DNAH5: variants seen among roughly 807,000 people sequenced by gnomAD.
DNAH5 encodes the protein dynein axonemal heavy chain 5, also known as axonemal beta dynein heavy chain 5.
Under a neutral mutation model 518.2 loss-of-function variants are expected in DNAH5, and 372 were observed. That is an observed-to-expected ratio of 0.72 (90% CI 0.66 to 0.78). The LOEUF (loss-of-function observed/expected upper bound fraction) is 0.78, where lower values mean the gene tolerates loss of function less well. Among genes scored for constraint, DNAH5 ranks in the 30% least tolerant of loss-of-function variants. The pLI, the probability that DNAH5 is intolerant of heterozygous loss-of-function variation, is 0.00. For missense variants in DNAH5, 5,523 were observed against 5,687.0 expected, an observed-to-expected ratio of 0.97 and a Z score of 0.93; for synonymous variants, 2,039 against 2,025.9, an observed-to-expected ratio of 1.01 and a Z score of -0.17.
chr5:13,793,374 A>G (rs769538201), intron 49 of DNAH5, 141 bp downstream of exon 49: 6 of 718,740 alleles, frequency 8.3e-6, no homozygotes, highest in Non-Finnish European at 1.2e-5. Flanking sequence ...AATGAAATAC[A>G]CTGCTTGAGA....
intron 69 of DNAH5, among the ~76,000 whole-genome samples, chr5:13,728,735 G>A (rs1219501457): frequency 3.9e-5 from 6 of 152,224 alleles, no homozygotes; most frequent in South Asian, 2.1e-4. Context: ...ACATTTCCTC[G>A]TCAAAAAAAG....
intron 47 of DNAH5, among the ~76,000 whole-genome samples, chr5:13,797,131 A>G (rs1479060857): frequency 1.3e-5 from 2 of 152,240 alleles, no homozygotes; most frequent in Non-Finnish European, 2.9e-5. Context: ...CATTCAGGAT[A>G]CAGGCATGGG....
At chr5:13,729,383 A>G in intron 69 of DNAH5, 56 bp downstream of exon 69, 1 of 1,609,652 alleles carries the variant, frequency 6.2e-7, no homozygotes, top group African/African-American at 1.3e-5. Flanking sequence ...ACCTAGTGAT[A>G]AATCAGAAAG....
At chr5:13,964,633 C>T (rs1781411305) in intron 1 of DNAH5, among the ~76,000 whole-genome samples, 1 of 152,194 alleles carries the variant, frequency 6.6e-6, no homozygotes, top group Non-Finnish European at 1.5e-5. Context: ...GATTCCAAGT[C>T]CCAGATCAGT....
chr5:13,814,868 A>G lies in DNAH5; in HGVS notation c.6989-22T>C, dbSNP rs116215381. ...TCCCCTAGAATACCCCACCAAAGGG[A>G]AAAAAAAAATACATACACTCATGCA... On this transcript the variant is annotated intron_variant, in intron 42 of 78. Transcript: ENST00000265104. 29,692 of 1,448,258 alleles carry G rather than the reference A, an allele frequency of 0.021. 306 individuals are homozygous for G. The highest frequency in any genetic ancestry group is 0.023 in the Non-Finnish European group (24,822 of 1,059,252). 89.7% of individuals were successfully genotyped at this position (1,448,258 alleles called of 1,614,324 possible). A position where few individuals can be genotyped will look rare whatever the true frequency, so the allele number is the denominator to read the frequency against.
At chr5:13,826,692 G>C (rs183185987) in intron 38 of DNAH5, among the ~76,000 whole-genome samples, 9 of 152,296 alleles carry the variant, frequency 5.9e-5, no homozygotes. Context: ...AAATTACCCA[G>C]TCTCAGGTAT....
At chr5:13,858,485 T>C (rs1018278735) in intron 30 of DNAH5, among the ~76,000 whole-genome samples, 7 of 152,206 alleles carry the variant, frequency 4.6e-5, no homozygotes, top group Non-Finnish European at 8.8e-5. Context: ...GGTTGCTGGG[T>C]CCAGCAAACC....
intron 11 of DNAH5, 150 bp from the exon 12 acceptor site, chr5:13,911,643 G>A (rs1776010129): frequency 1.5e-6 from 1 of 685,928 alleles, no homozygotes; most frequent in African/African-American, 1.8e-5. Context: ...ATTGTTTTGT[G>A]CTTATTATTT....
chr5:13,916,400 C>T lies in DNAH5; in HGVS notation c.1145G>A (p.Ser382Asn), dbSNP rs768616477. The T allele has an allele frequency of 1.7e-5, 26 of 1,551,268 alleles. No homozygotes were observed. The highest frequency in any genetic ancestry group is 1.6e-4 in the African/African-American group (12 of 73,432). ...AGAGGTATTATAGTAATGAGAGATA[C>T]TATAGATCATTTTAATTGCATTTAT... ...TLINAIKMIY[S>N]ISHYYNTSEK... is the part of the protein sequence containing the mutation. Residue 382 changes from serine (S) to asparagine (N), a missense_variant, in exon 9 of 79, where the codon AGT becomes AAT. Ser to Asn is a conservative substitution (Grantham distance 46). Coordinates refer to ENST00000265104, the MANE Select transcript of DNAH5 (RefSeq NM_001369.3).
At chr5:13,867,032 T>C (rs1769353218) in intron 25 of DNAH5, among the ~76,000 whole-genome samples, 2 of 152,166 alleles carry the variant, frequency 1.3e-5, no homozygotes, top group Non-Finnish European at 2.9e-5. Context: ...TGCTGAGCTC[T>C]GTGTTATTTG....
intron 6 of DNAH5, 103 bp downstream of exon 6, chr5:13,920,377 T>C: frequency 1.3e-6 from 2 of 1,504,234 alleles, no homozygotes; most frequent in Non-Finnish European, 1.8e-6. Context: ...GGATTTACAG[T>C]AAAACGCTTA....
chr5:13,885,922 T>C, intron 18 of DNAH5, 42 bp downstream of exon 18: 1 of 1,578,004 alleles, frequency 6.3e-7, no homozygotes, highest in Non-Finnish European at 8.7e-7. Context: ...TTTTAGTAAA[T>C]GTCATAGAAA....
chr5:13,735,405 A>G, intron 67 of DNAH5, 84 bp from the exon 68 acceptor site: 6 of 1,340,904 alleles, frequency 4.5e-6, no homozygotes, highest in Admixed American at 1.9e-5. Flanking sequence ...ATGGAAAATA[A>G]GTAACTTTGG....
chr5:13,966,845 T>C (rs1466182801), intron 1 of DNAH5, among the ~76,000 whole-genome samples: 1 of 152,118 alleles, frequency 6.6e-6, no homozygotes, highest in Non-Finnish European at 1.5e-5. Flanking sequence ...TGCTAAAGCA[T>C]TGTTTTTTGT....
intron 55 of DNAH5, among the ~76,000 whole-genome samples, chr5:13,772,466 C>A (rs1396462695): frequency 6.6e-6 from 1 of 152,220 alleles, no homozygotes; most frequent in Non-Finnish European, 1.5e-5. Context: ...CAGAAAGAAG[C>A]AGAACACTCC....
chr5:13,728,740 A>G (rs1746103945), intron 69 of DNAH5, among the ~76,000 whole-genome samples: 1 of 152,186 alleles, frequency 6.6e-6, no homozygotes, highest in Non-Finnish European at 1.5e-5. Flanking sequence ...TCCTCGTCAA[A>G]AAAAGCCTTC....
intron 1 of DNAH5, among the ~76,000 whole-genome samples, chr5:13,969,475 C>T (rs551658076): frequency 6.6e-6 from 1 of 152,274 alleles, no homozygotes; most frequent in Non-Finnish European, 1.5e-5. Context: ...TTCCTTTTGG[C>T]ACCACTTTTG....
chr5:13,792,032 T>C lies in DNAH5; in HGVS notation c.8410A>G (p.Met2804Val), dbSNP rs199629940. The C allele has an allele frequency of 1.2e-5, 19 of 1,613,968 alleles. No homozygotes were observed. The highest frequency in any genetic ancestry group is 1.7e-5 in the Admixed American group (1 of 59,972). Residue 2804 changes from methionine (M) to valine (V), a missense_variant, in exon 50 of 79, where the codon ATG (methionine) becomes GTG (valine). By Grantham distance (21) the Met-to-Val change is conservative. Around this residue, in one of 3 missense-constraint regions of DNAH5, gnomAD observed 5,121 missense variants for 5,223.3 expected, o/e 0.98. Transcript: ENST00000265104. ...LRDLSRVWQG[M>V]LNTTSEVIKE... ...ATGACCTCTGAAGTAGTGTTCAGCA[T>C]TCCCTGCCAGACCCGAGAAAGATCT...
chr5:13,848,440 G>A (rs1446184062), intron 31 of DNAH5, among the ~76,000 whole-genome samples: 1 of 152,176 alleles, frequency 6.6e-6, no homozygotes, highest in Non-Finnish European at 1.5e-5. Context: ...CCAGGGGTGG[G>A]AGTAGTTTCA....
Sources: allele counts gnomAD v4.1 joint callset (sites outside exome capture counted in the v4.1 genomes callset), GRCh38; gene constraint gnomAD v4.1.1; regional missense constraint gnomAD v4.1.1; transcripts MANE v1.5; gene names NCBI Gene and HGNC (gene_info 2026-07-23, HGNC 2026-07-21).